Variants in UNC5D observed in about 807,000 individuals in gnomAD.
The protein encoded by UNC5D is netrin receptor UNC5D.
In UNC5D, 39 loss-of-function variants were observed where a neutral mutation model predicts 105.4. That is an observed-to-expected ratio of 0.37 (90% CI 0.29 to 0.48). UNC5D has a LOEUF of 0.48. Ranked by LOEUF, UNC5D falls within the 20% of genes least tolerant of loss-of-function variation. UNC5D has a pLI of 0.98. For missense variants in UNC5D, 991 were observed against 1,202.4 expected (o/e 0.82, Z 2.60); for synonymous variants, 452 against 450.4 (o/e 1.00, Z -0.04).
intron 1 of UNC5D, among the ~76,000 whole-genome samples, chr8:35,498,084 C>CAAAAAAAAAAAAAAAAAAAAAAA (rs58175711): frequency 6.9e-5 from 4 of 58,184 alleles, no homozygotes; most frequent in African/African-American, 1.4e-4. Flanking sequence ...CAAAACAAAA[C>CAAAAAAAAAAAAAAAAAAAAAAA]AAAAAAAAAA....
At position 35,385,568 on chromosome 8, in the gene UNC5D, C is replaced by A. The variant is rs958992414; in HGVS notation, c.103+149681C>A. Among the ~76,000 whole-genome samples, 6 of 150,996 alleles carry A rather than the reference C, an allele frequency of 4.0e-5. No individual in the cohort carries two copies. In the East Asian group the frequency reaches 1.2e-3, roughly 30 times the overall value. ...GCAAGCTCCACCTCCCGGACTCACGCCATTCTCTTGCCTCAGCCTCCGGAA... is the reference window on the plus strand; with the variant it reads ...GCAAGCTCCACCTCCCGGACTCACGACATTCTCTTGCCTCAGCCTCCGGAA... On this transcript the variant is annotated intron_variant, in intron 1 of 16. Coordinates refer to ENST00000404895, the MANE Select transcript of UNC5D (RefSeq NM_080872.4).
chr8:35,541,710 G>A (rs910174025), intron 1 of UNC5D, among the ~76,000 whole-genome samples: 1 of 149,636 alleles, frequency 6.7e-6, no homozygotes, highest in African/African-American at 2.5e-5. Context: ...ATTTAAGCAT[G>A]CTTGTCATAG....
At chr8:35,546,235 G>A (rs1350092152) in intron 1 of UNC5D, among the ~76,000 whole-genome samples, 1 of 152,056 alleles carries the variant, frequency 6.6e-6, no homozygotes, top group Non-Finnish European at 1.5e-5. Flanking sequence ...GGGTAGCTAG[G>A]ACAGTTACCC....
intron 1 of UNC5D, among the ~76,000 whole-genome samples, chr8:35,488,362 A>G (rs745865112): frequency 2.6e-4 from 39 of 152,316 alleles, no homozygotes; most frequent in Middle Eastern, 3.4e-3. Flanking sequence ...AGCTGTGAAC[A>G]TGGGTTATCT....
At chr8:35,510,232 G>C (rs1029655129) in intron 1 of UNC5D, among the ~76,000 whole-genome samples, 1 of 149,210 alleles carries the variant, frequency 6.7e-6, no homozygotes, top group Non-Finnish European at 1.5e-5. Flanking sequence ...TGAAGCCTTG[G>C]TCTTGGTCTT....
chr8:35,341,849 T>C (rs2128902720), intron 1 of UNC5D, among the ~76,000 whole-genome samples: 2 of 152,278 alleles, frequency 1.3e-5, no homozygotes, highest in East Asian at 3.9e-4. Context: ...AGATGTTGTA[T>C]AGGTGGTTTA....
chr8:35,271,674 CAT>C (rs1156405103), intron 1 of UNC5D, among the ~76,000 whole-genome samples: 1 of 53,788 alleles, frequency 1.9e-5, no homozygotes, highest in Non-Finnish European at 3.9e-5. Context: ...TACAGGTATA[CAT>C]ATATATGTAT....
intron 13 of UNC5D, among the ~76,000 whole-genome samples, chr8:35,756,052 A>C (rs750507068): frequency 3.4e-4 from 52 of 152,308 alleles, no homozygotes; most frequent in Non-Finnish European, 4.7e-4. Context: ...GTATTTGGAG[A>C]GTATTTTAAA....
intron 1 of UNC5D, among the ~76,000 whole-genome samples, chr8:35,453,890 A>T (rs1261198944): frequency 1.3e-5 from 2 of 152,072 alleles, no homozygotes; most frequent in Non-Finnish European, 2.9e-5. Context: ...AAGGGGCTGG[A>T]TTTATTTTTT....
intron 1 of UNC5D, among the ~76,000 whole-genome samples, chr8:35,346,496 A>G (rs1811814010): frequency 6.6e-6 from 1 of 151,992 alleles, no homozygotes. Flanking sequence ...GTTAATTGTC[A>G]AAAGAAAATG....
chr8:35,348,379 C>T (rs763482807), intron 1 of UNC5D, among the ~76,000 whole-genome samples: 3 of 151,878 alleles, frequency 2.0e-5, no homozygotes, highest in Non-Finnish European at 4.4e-5. Context: ...GGGAAATAAA[C>T]ATTCAATAAT....
chr8:35,257,176 T>C (rs557252783), intron 1 of UNC5D, among the ~76,000 whole-genome samples: 53 of 152,158 alleles, frequency 3.5e-4, no homozygotes, highest in African/African-American at 1.2e-3. Flanking sequence ...TTCACCATGT[T>C]GGTCAGGTGA....
Position 35,774,424 on chromosome 8 carries a change from C to T in UNC5D, c.2604C>T (p.Pro868=), listed in dbSNP as rs1802146841. The T allele has an allele frequency of 6.2e-7, 1 of 1,613,992 alleles. No individual in the cohort carries two copies. The highest frequency in any genetic ancestry group is 1.3e-5 in the African/African-American group (1 of 74,932). ...GGATTTGTGCTACATTTGATACCCC[C>T]AATGCCAAAGGCAAGGACTGGCAGA... ...RQRICATFDT[P]NAKGKDWQML... The change falls in exon 16 of 17, where the codon CCC becomes CCT. Residue 868 remains proline, a synonymous_variant. Coordinates refer to ENST00000404895, the MANE Select transcript of UNC5D (RefSeq NM_080872.4).
At chr8:35,435,063 T>C (rs1806918874) in intron 1 of UNC5D, among the ~76,000 whole-genome samples, 2 of 152,240 alleles carry the variant, frequency 1.3e-5, no homozygotes, top group African/African-American at 2.4e-5. Flanking sequence ...TTGGAAAGAC[T>C]GTGGAGTATG....
intron 7 of UNC5D, among the ~76,000 whole-genome samples, chr8:35,696,897 A>G (rs1365786370): frequency 6.6e-6 from 1 of 152,058 alleles, no homozygotes; most frequent in African/African-American, 2.4e-5. Flanking sequence ...AGTGGAATGG[A>G]AAATTGCCAT....
Position 35,568,232 on chromosome 8 carries a change from C to T in UNC5D, c.457C>T (p.Arg153Cys). 4 of 1,613,954 alleles carry T rather than the reference C, an allele frequency of 2.5e-6. No homozygotes were observed. Among genetic ancestry groups the T allele is most frequent in the Non-Finnish European group, 3.4e-6 (4 of 1,179,932 alleles). Residue 153 changes from arginine to cysteine, a missense_variant, in exon 3 of 17, where the codon CGC becomes TGC. By Grantham distance (180) the Arg-to-Cys change is radical (BLOSUM62 -3). Around this residue, in one of 3 missense-constraint regions of UNC5D, gnomAD observed 944 missense variants for 1,131.6 expected, o/e 0.83. Coordinates refer to ENST00000404895, the MANE Select transcript of UNC5D (RefSeq NM_080872.4). ...CTCCAAGAGCAGGAAGGCCTCTGTG[C>T]GCATAGCCTGTAAGTACATTCTGGG... Reference protein sequence around the residue: ...GTSKSRKASVRIAYLRKNFEQ... With the variant: ...GTSKSRKASVCIAYLRKNFEQ...
chr8:35,568,858 C>T (rs1435208965), intron 3 of UNC5D, among the ~76,000 whole-genome samples: 2 of 152,060 alleles, frequency 1.3e-5, no homozygotes, highest in South Asian at 2.1e-4. Context: ...TGCTGTTCAC[C>T]GTCAATGACA....
At chr8:35,773,449 T>G (rs749324484) in intron 15 of UNC5D, among the ~76,000 whole-genome samples, 1 of 152,178 alleles carries the variant, frequency 6.6e-6, no homozygotes, top group Non-Finnish European at 1.5e-5. Flanking sequence ...ATACTTATTA[T>G]AAAATCACAC....
At chr8:35,333,287 T>C in intron 1 of UNC5D, among the ~76,000 whole-genome samples, 1 of 152,252 alleles carries the variant, frequency 6.6e-6, no homozygotes, top group East Asian at 1.9e-4. Flanking sequence ...TGCCACTGCA[T>C]GCCACCCTGG....
Sources: allele counts gnomAD v4.1 joint callset (sites outside exome capture counted in the v4.1 genomes callset), GRCh38; gene constraint gnomAD v4.1.1; regional missense constraint gnomAD v4.1.1; transcripts MANE v1.5; gene names NCBI Gene and HGNC (gene_info 2026-07-23, HGNC 2026-07-21).